The following NAV3 variants were observed in gnomAD, a reference collection of about 807,000 sequenced individuals.
NAV3 encodes pore membrane and/or filament interacting like protein 1.
NAV3 carries 87 observed loss-of-function variants against 244.7 expected under a neutral mutation model. The observed-to-expected ratio is 0.36, with a 90% CI of 0.30 to 0.42. The LOEUF (loss-of-function observed/expected upper bound fraction) is 0.42. Among genes scored for constraint, NAV3 ranks in the 20% least tolerant of loss-of-function variants. The pLI, the probability that NAV3 is intolerant of heterozygous loss-of-function variation, is 1.00. For missense variants in NAV3, 2,663 were observed against 2,893.3 expected (o/e 0.92, Z 1.83); for synonymous variants, 1,126 against 1,042.2 (o/e 1.08, Z -1.55).
At chr12:77,904,477 C>A (rs1885722049) in intron 1 of NAV3, among the ~76,000 whole-genome samples, 1 of 152,108 alleles carries the variant, frequency 6.6e-6, no homozygotes, top group South Asian at 2.1e-4. Context: ...GGGAACATCA[C>A]ACACTGGGGC....
chr12:78,111,268 C>T (rs1955079333), intron 12 of NAV3, among the ~76,000 whole-genome samples: 2 of 152,016 alleles, frequency 1.3e-5, no homozygotes, highest in African/African-American at 4.8e-5. Flanking sequence ...AAATACTAAT[C>T]CAGTATCATT....
intron 1 of NAV3, among the ~76,000 whole-genome samples, chr12:77,832,746 T>C (rs1873935081): frequency 6.6e-6 from 1 of 152,224 alleles, no homozygotes; most frequent in African/African-American, 2.4e-5. Context: ...AATGTATTTT[T>C]GTACTCATTA....
intron 2 of NAV3, among the ~76,000 whole-genome samples, chr12:77,684,847 A>G (rs1313561954): frequency 1.3e-5 from 2 of 152,160 alleles, no homozygotes; most frequent in Non-Finnish European, 2.9e-5. Flanking sequence ...CCTGAGGTAT[A>G]AATCATGGTT....
At chr12:78,053,028 G>T (rs1434656847) in intron 11 of NAV3, among the ~76,000 whole-genome samples, 1 of 151,818 alleles carries the variant, frequency 6.6e-6, no homozygotes, top group Non-Finnish European at 1.5e-5. Flanking sequence ...AGACCAGCCT[G>T]CCCAACATGG....
intron 12 of NAV3, among the ~76,000 whole-genome samples, chr12:78,104,630 A>G (rs897743613): frequency 1.3e-5 from 2 of 152,194 alleles, no homozygotes; most frequent in Non-Finnish European, 2.9e-5. Flanking sequence ...ACCTATGTGT[A>G]TCCAAACAAT....
intron 2 of NAV3, among the ~76,000 whole-genome samples, chr12:77,690,996 C>G (rs1289979424): frequency 6.6e-6 from 1 of 150,422 alleles, no homozygotes; most frequent in Non-Finnish European, 1.5e-5. Flanking sequence ...TTTATGGCAT[C>G]TTTTATTTCT....
In NAV3 at chr12:78,110,633, T is replaced by A. The variant is rs561735284; in HGVS notation, c.2637-6139T>A. On this transcript the variant is annotated intron_variant, in intron 12 of 39. Coordinates refer to ENST00000397909, the MANE Select transcript of NAV3 (RefSeq NM_001024383.2). The stretch of plus-strand genomic sequence containing the variant: ...CTATAGTAGCCAAAACAGCATGGTA[T>A]TTTTAGACAAATGGTATGGAATAGA... 2.0e-5 allele frequency among the ~76,000 whole-genome samples: 3 copies of A among 152,056 alleles called. No individual in the cohort carries two copies. In the South Asian group the frequency reaches 6.2e-4, roughly 32 times the overall value.
intron 2 of NAV3, among the ~76,000 whole-genome samples, chr12:77,777,887 C>A (rs964225870): frequency 6.6e-6 from 1 of 151,504 alleles, no homozygotes; most frequent in Admixed American, 6.6e-5. Context: ...CTCACTGCAA[C>A]CTCCGCCTCC....
intron 6 of NAV3, among the ~76,000 whole-genome samples, chr12:77,997,468 C>T (rs1032905286): frequency 6.6e-6 from 1 of 152,106 alleles, no homozygotes; most frequent in Non-Finnish European, 1.5e-5. Flanking sequence ...TCAAATAAAG[C>T]AGCAGTAAGT....
chr12:77,873,822 T>C (rs1296107475), intron 1 of NAV3, among the ~76,000 whole-genome samples: 5 of 147,354 alleles, frequency 3.4e-5, no homozygotes, highest in Non-Finnish European at 7.5e-5. Context: ...TGTCAATTTG[T>C]TTTTTCAAGA....
At chr12:78,162,879 TA>T (rs1957608968) in intron 23 of NAV3, among the ~76,000 whole-genome samples, 2 of 136,536 alleles carry the variant, frequency 1.5e-5, no homozygotes, top group African/African-American at 2.7e-5. Flanking sequence ...AATATATATA[TA>T]TAATATATAT....
At chr12:78,164,033 A>G (rs1957677828) in intron 23 of NAV3, among the ~76,000 whole-genome samples, 1 of 152,128 alleles carries the variant, frequency 6.6e-6, no homozygotes, top group South Asian at 2.1e-4. Context: ...ACAGAAGGCC[A>G]GTTGAGAAAG....
rs954349494 is a variant in NAV3 at position 78,119,699 on chromosome 12, G to A, written c.3503G>A (p.Ser1168Asn). The A allele has an allele frequency of 6.2e-7, 1 of 1,614,210 alleles. No individual in the cohort carries two copies. The highest frequency in any genetic ancestry group is 8.5e-7 in the Non-Finnish European group (1 of 1,180,036). ...AGCAGTATTGATTCCAACGTCAGCAGCAAGTCTGCTGGGGCCACCACCTCG... is the reference window on the plus strand; with the variant it reads ...AGCAGTATTGATTCCAACGTCAGCAACAAGTCTGCTGGGGCCACCACCTCG... ...STSSIDSNVS[S>N]KSAGATTSKL... The change falls in exon 15 of 40, where the codon AGC becomes AAC. Residue 1168 changes from serine to asparagine, a missense_variant. Ser to Asn is a conservative substitution (Grantham distance 46, BLOSUM62 1). Around this residue, in one of 6 missense-constraint regions of NAV3, gnomAD observed 1,521 missense variants for 1,497.0 expected, o/e 1.02. Coordinates refer to ENST00000397909, the MANE Select transcript of NAV3 (RefSeq NM_001024383.2).
intron 5 of NAV3, among the ~76,000 whole-genome samples, chr12:77,977,524 C>T (rs1210661068): frequency 6.6e-6 from 1 of 152,062 alleles, no homozygotes; most frequent in African/African-American, 2.4e-5. Flanking sequence ...CTCCTCCATC[C>T]ACTAACAATT....
intron 2 of NAV3, among the ~76,000 whole-genome samples, chr12:77,683,926 C>T (rs1874589652): frequency 6.6e-6 from 1 of 152,014 alleles, no homozygotes; most frequent in Non-Finnish European, 1.5e-5. Context: ...TTTTGGGGGA[C>T]ATATGTTTTA....
intron 12 of NAV3, among the ~76,000 whole-genome samples, chr12:78,097,420 CTGT>C (rs1954311786): frequency 1.3e-5 from 2 of 152,292 alleles, no homozygotes; most frequent in South Asian, 2.1e-4. Flanking sequence ...CTGCTGCCAT[CTGT>C]TGTTCTTCAG....
At chr12:77,754,890 A>G (rs2135812636) in intron 2 of NAV3, among the ~76,000 whole-genome samples, 1 of 152,340 alleles carries the variant, frequency 6.6e-6, no homozygotes, top group East Asian at 1.9e-4. Flanking sequence ...ACTAAAACCA[A>G]GGACATAGTC....
At chr12:78,095,082 CACACACAT>C (rs1954175439) in intron 12 of NAV3, among the ~76,000 whole-genome samples, 2 of 134,426 alleles carry the variant, frequency 1.5e-5, no homozygotes, top group Non-Finnish European at 3.4e-5. Context: ...CACACACACA[CACACACAT>C]ATATATATAC....
At chr12:78,191,114 A>G (rs300509) in intron 34 of NAV3, among the ~76,000 whole-genome samples, 143,475 of 152,200 alleles carry the variant, frequency 0.94, 67,850 homozygotes, top group East Asian at 1. Context: ...GAAACCTGAA[A>G]TCTGCAAATT....
Sources: gnomAD v4.1 joint callset for allele counts (sites outside exome capture counted in the v4.1 genomes callset) on GRCh38, gnomAD v4.1.1 for gene constraint, gnomAD v4.1.1 regional missense constraint, MANE v1.5 for transcripts, NCBI Gene and HGNC (gene_info 2026-07-23, HGNC 2026-07-21) for gene names.